The following GIT2 variants were observed in gnomAD, a reference collection of about 807,000 sequenced individuals.
GIT2 encodes the protein ARF GTPase-activating protein GIT2.
In GIT2, 32 loss-of-function variants were observed where a neutral mutation model predicts 100.3. The ratio of observed to expected loss-of-function variants is 0.32; its 90% confidence interval spans 0.24 to 0.43. GIT2 has a LOEUF of 0.43. Among genes scored for constraint, GIT2 ranks in the 20% least tolerant of loss-of-function variants. The pLI, the probability that GIT2 is intolerant of heterozygous loss-of-function variation, is 1.00. For missense variants in GIT2, 737 were observed against 975.1 expected, an observed-to-expected ratio of 0.76 and a Z score of 3.25; for synonymous variants, 353 against 364.1, an observed-to-expected ratio of 0.97 and a Z score of 0.35.
At chr12:109,974,717 C>T (rs1884676081) in intron 7 of GIT2, among the ~76,000 whole-genome samples, 1 of 152,106 alleles carries the variant, frequency 6.6e-6, no homozygotes, top group Admixed American at 6.6e-5. Flanking sequence ...TCAATATGTA[C>T]TTGAAAAGAA....
intron 4 of GIT2, among the ~76,000 whole-genome samples, chr12:109,988,041 T>C (rs1887724976): frequency 6.6e-6 from 1 of 152,236 alleles, no homozygotes; most frequent in African/African-American, 2.4e-5. Flanking sequence ...GTACTTTTTC[T>C]AGTCCTTATT....
intron 18 of GIT2, among the ~76,000 whole-genome samples, chr12:109,935,687 C>T (rs1043927393): frequency 2.0e-5 from 3 of 152,216 alleles, no homozygotes; most frequent in African/African-American, 4.8e-5. Flanking sequence ...TGAGCCACCG[C>T]GCCCAGCCAG....
intron 9 of GIT2, among the ~76,000 whole-genome samples, chr12:109,964,274 A>G (rs1337557373): frequency 6.6e-6 from 1 of 152,238 alleles, no homozygotes; most frequent in East Asian, 1.9e-4. Flanking sequence ...AACTGTAGAT[A>G]CAGAACACAG....
chr12:109,997,267 T>C (rs1889576596), upstream of GIT2, among the ~76,000 whole-genome samples: 1 of 147,042 alleles, frequency 6.8e-6, no homozygotes, highest in African/African-American at 2.5e-5. Flanking sequence ...TAATCCTAGA[T>C]ACTCAGGAGG....
chr12:109,984,812 A>C (rs955823479), intron 4 of GIT2, among the ~76,000 whole-genome samples: 12 of 152,190 alleles, frequency 7.9e-5, no homozygotes, highest in African/African-American at 2.9e-4. Flanking sequence ...CAAATGCTAT[A>C]ATAACAGTTA....
intron 7 of GIT2, among the ~76,000 whole-genome samples, chr12:109,968,625 G>A (rs1286313146): frequency 6.6e-6 from 1 of 152,044 alleles, no homozygotes; most frequent in African/African-American, 2.4e-5. Context: ...GTTTCTCCAC[G>A]TTGGTCAGGC....
At chr12:109,999,722 C>A (rs1889843796), upstream of GIT2, 1 of 1,538,492 alleles carries the variant, frequency 6.5e-7, no homozygotes, top group Non-Finnish European at 8.8e-7. This position sits in a 1 kb window ranked among gnomAD's most constrained non-coding sequence, Gnocchi z 4.3. Context: ...CGACCACTAC[C>A]CCCTGCACCT....
At position 109,951,140 on chromosome 12, in the gene GIT2, C is replaced by G. The variant is rs778047976; in HGVS notation, c.1392+27G>C. ...TTGTACTATGGGATTAAAGCGTCAACCGTCCTGGCATTTATTAACATGTTA... is the reference window on the plus strand; with the variant it reads ...TTGTACTATGGGATTAAAGCGTCAAGCGTCCTGGCATTTATTAACATGTTA... On this transcript the variant is annotated intron_variant, in intron 14 of 19. Coordinates refer to ENST00000355312, the MANE Select transcript of GIT2 (RefSeq NM_057169.5). 3.7e-6 allele frequency: 6 copies of G among 1,600,514 alleles called. No individual in the cohort carries two copies. In the South Asian group the frequency reaches 5.5e-5, roughly 15 times the overall value.
intron 16 of GIT2, chr12:109,939,682 A>AAATAAAAT (rs377454663): frequency 2.1e-5 from 3 of 140,254 alleles, no homozygotes; most frequent in Non-Finnish European, 4.6e-5. Context: ...AAAAATAAAT[A>AAATAAAAT]AAATAAATAA....
chr12:109,985,157 CAG>C (rs1483466037), intron 4 of GIT2, among the ~76,000 whole-genome samples: 1 of 151,940 alleles, frequency 6.6e-6, no homozygotes, highest in Non-Finnish European at 1.5e-5. Flanking sequence ...TTTTTAAACA[CAG>C]GGTCTCGTTA....
intron 7 of GIT2, among the ~76,000 whole-genome samples, chr12:109,974,403 T>G (rs1353500318): frequency 6.6e-6 from 1 of 151,920 alleles, no homozygotes; most frequent in Non-Finnish European, 1.5e-5. Context: ...AGCACGTGCC[T>G]GTAATCCCAG....
upstream of GIT2, chr12:109,999,763 C>G (rs910839105): frequency 2.0e-5 from 31 of 1,529,590 alleles, no homozygotes; most frequent in Non-Finnish European, 2.6e-5. This position sits in a 1 kb window ranked among gnomAD's most constrained non-coding sequence, Gnocchi z 4.3. Flanking sequence ...ACCGGCAGCT[C>G]GAGAAGGAGC....
intron 12 of GIT2, chr12:109,954,589 T>C (rs1245960176): frequency 1.3e-5 from 2 of 151,972 alleles, no homozygotes; most frequent in African/African-American, 4.8e-5. Context: ...GGGTGATGAA[T>C]GGTGGTTATT....
intron 7 of GIT2, among the ~76,000 whole-genome samples, chr12:109,973,648 G>C (rs901305711): frequency 2.7e-5 from 4 of 150,938 alleles, no homozygotes; most frequent in Non-Finnish European, 4.4e-5. Flanking sequence ...CCTTCTTTCA[G>C]TTTCATTGAT....
intron 14 of GIT2, among the ~76,000 whole-genome samples, chr12:109,950,063 T>C (rs189681815): frequency 3.9e-4 from 60 of 152,322 alleles, no homozygotes; most frequent in South Asian, 2.1e-4. Flanking sequence ...CCTGCTACTA[T>C]AGGCATTAGA....
At chr12:109,939,119 G>T (rs1395379654) in intron 17 of GIT2, 46 bp downstream of exon 17, 1 of 1,140,780 alleles carries the variant, frequency 8.8e-7, no homozygotes, top group Admixed American at 1.7e-5. Flanking sequence ...CCAGGTCTCT[G>T]GCCCTGGGGA....
intron 18 of GIT2, among the ~76,000 whole-genome samples, chr12:109,936,260 T>TAAA (rs547925577): frequency 1.5e-5 from 2 of 136,406 alleles, no homozygotes; most frequent in African/African-American, 5.4e-5. Flanking sequence ...CTCATGGTCT[T>TAAA]AAAAAAAAAA....
chr12:109,996,466 C>G (rs1231269140), upstream of GIT2: 3 of 502,404 alleles, frequency 6.0e-6, no homozygotes, highest in Non-Finnish European at 1.1e-5. Context: ...GGGCAGGAGA[C>G]TGCCCGAGTA....
intron 15 of GIT2, among the ~76,000 whole-genome samples, chr12:109,946,658 G>A (rs1876425561): frequency 6.6e-6 from 1 of 152,164 alleles, no homozygotes; most frequent in African/African-American, 2.4e-5. Context: ...AGACAACAAA[G>A]CCACACTTCC....
Sources: gnomAD v4.1 joint callset for allele counts (sites outside exome capture counted in the v4.1 genomes callset) on GRCh38, gnomAD v4.1.1 for gene constraint, Gnocchi (gnomAD v3.1) non-coding constraint, MANE v1.5 for transcripts, NCBI Gene and HGNC (gene_info 2026-07-23, HGNC 2026-07-21) for gene names.